The following TNRC6C variants were observed in gnomAD, a reference collection of about 807,000 sequenced individuals.
TNRC6C encodes trinucleotide repeat-containing gene 6C protein.
TNRC6C carries 20 observed loss-of-function variants against 153.7 expected under a neutral mutation model. The ratio of observed to expected loss-of-function variants is 0.13; its 90% CI spans 0.09 to 0.19. TNRC6C has a LOEUF of 0.19. Among genes scored for constraint, TNRC6C ranks in the 10% least tolerant of loss-of-function variants. The pLI, the probability that TNRC6C is intolerant of heterozygous loss-of-function variation, is 1.00. For missense variants in TNRC6C, 1,987 were observed against 2,172.0 expected (o/e 0.91, Z 1.69); for synonymous variants, 811 against 841.4 (o/e 0.96, Z 0.63).
intron 1 of TNRC6C, among the ~76,000 whole-genome samples, chr17:77,984,945 C>T (rs2071140663): frequency 6.6e-6 from 1 of 152,172 alleles, no homozygotes; most frequent in Non-Finnish European, 1.5e-5. Flanking sequence ...AAAACATAAC[C>T]ACCTTTTACT....
chr17:78,082,371 G>A (rs1169450824), intron 10 of TNRC6C, among the ~76,000 whole-genome samples: 4 of 152,084 alleles, frequency 2.6e-5, no homozygotes, highest in African/African-American at 7.2e-5. Context: ...CAGAAGTACA[G>A]TATACAGGGA....
At chr17:78,058,386 C>T (rs929139034) in intron 3 of TNRC6C, among the ~76,000 whole-genome samples, 1 of 152,186 alleles carries the variant, frequency 6.6e-6, no homozygotes, top group Admixed American at 6.5e-5. Flanking sequence ...TGCAGACACA[C>T]AAGAGAACAT....
exon 3 of TNRC6C, chr17:78,051,151 G>T (rs938066490): frequency 6.3e-7 from 1 of 1,576,568 alleles, no homozygotes; most frequent in Non-Finnish European, 8.6e-7. Context: ...CGGGGGGCCG[G>T]TACCGGTCAA....
Position 77,973,051 on chromosome 17 carries a change from G to A in TNRC6C, c.-38+13783G>A, listed in dbSNP as rs1043179398. The stretch of plus-strand genomic sequence containing the variant: ...CTCCTGCGTAGCTGGGATTACAGGC[G>A]CCTGCCATCACATCCAGCTAAATTT... On this transcript the variant is annotated intron_variant, in intron 1 of 22. Coordinates refer to the TNRC6C transcript ENST00000636222. Among the ~76,000 whole-genome samples the A allele has an allele frequency of 2.0e-5, 3 of 152,100 alleles. No homozygotes were observed. The East Asian group carries it at 5.8e-4, about 29-fold the overall frequency.
intron 1 of TNRC6C, among the ~76,000 whole-genome samples, chr17:77,995,436 T>C (rs1337043485): frequency 6.6e-6 from 1 of 151,954 alleles, no homozygotes; most frequent in Non-Finnish European, 1.5e-5. Context: ...AAAGGAAAAA[T>C]AGTTAAAGGT....
chr17:78,077,093 A>G (rs899004598), intron 8 of TNRC6C, 92 bp from the exon 11 acceptor site: 26 of 1,413,548 alleles, frequency 1.8e-5, no homozygotes, highest in Non-Finnish European at 2.2e-5. Flanking sequence ...TTATTTATCC[A>G]TCCACGCCTC....
At chr17:77,966,104 C>T (rs1455768657) in intron 1 of TNRC6C, among the ~76,000 whole-genome samples, 1 of 152,100 alleles carries the variant, frequency 6.6e-6, no homozygotes, top group African/African-American at 2.4e-5. Context: ...ATGGGCAAGC[C>T]ATGTTTGGAA....
chr17:77,988,044 G>A (rs2071196694), intron 1 of TNRC6C, among the ~76,000 whole-genome samples: 1 of 151,856 alleles, frequency 6.6e-6, no homozygotes, highest in African/African-American at 2.4e-5. Flanking sequence ...GCAGTACTGT[G>A]CCAATTAGAA....
chr17:77,989,861 A>T (rs2071223580), intron 1 of TNRC6C, among the ~76,000 whole-genome samples: 1 of 151,110 alleles, frequency 6.6e-6, no homozygotes, highest in Non-Finnish European at 1.5e-5. Flanking sequence ...TTACTCTCAA[A>T]CTCCCTTCCT....
chr17:78,050,653 C>T (rs372252994), exon 3 of TNRC6C: 15 of 1,562,474 alleles, frequency 9.6e-6, no homozygotes, highest in Non-Finnish European at 1.2e-5. Context: ...CAACAAAGCG[C>T]CAAGTGGCCC....
chr17:78,050,125 A>G (rs1329948168), exon 3 of TNRC6C: 1 of 1,604,816 alleles, frequency 6.2e-7, no homozygotes. Flanking sequence ...CAACAGTGAC[A>G]TCAATGGGAA....
At chr17:77,980,263 A>C (rs559765504) in intron 1 of TNRC6C, among the ~76,000 whole-genome samples, 1 of 152,334 alleles carries the variant, frequency 6.6e-6, no homozygotes, top group South Asian at 2.1e-4. Flanking sequence ...CTGCGCATGT[A>C]CCTGGAACTT....
chr17:78,014,406 C>T (rs537064801), intron 1 of TNRC6C, among the ~76,000 whole-genome samples: 1 of 152,198 alleles, frequency 6.6e-6, no homozygotes, highest in Non-Finnish European at 1.5e-5. Context: ...CTTGATTACT[C>T]AGCTTTAACA....
intron 3 of TNRC6C, among the ~76,000 whole-genome samples, chr17:78,057,608 G>C (rs75751897): frequency 0.012 from 1,886 of 152,264 alleles, 34 homozygotes; most frequent in African/African-American, 0.043. Context: ...ATAGCTACTG[G>C]GATTCCCAGA....
intron 17 of TNRC6C, among the ~76,000 whole-genome samples, chr17:78,099,707 C>G (rs962515395): frequency 6.6e-6 from 1 of 152,180 alleles, no homozygotes; most frequent in African/African-American, 2.4e-5. Flanking sequence ...CTGCCCCTGA[C>G]CCCTCCCAAA....
intron 1 of TNRC6C, among the ~76,000 whole-genome samples, chr17:77,982,957 C>G (rs1052891984): frequency 3.9e-5 from 6 of 152,158 alleles, no homozygotes; most frequent in East Asian, 1.9e-4. Context: ...AGTCAATCCA[C>G]CAAGAAATAT....
intron 1 of TNRC6C, among the ~76,000 whole-genome samples, chr17:78,016,606 T>A (rs555860715): frequency 6.6e-6 from 1 of 152,354 alleles, no homozygotes; most frequent in East Asian, 1.9e-4. Flanking sequence ...GAGTAAGATC[T>A]AATCCTCCAT....
intron 2 of TNRC6C, among the ~76,000 whole-genome samples, chr17:78,048,458 A>G (rs533069595): frequency 6.6e-6 from 1 of 152,316 alleles, no homozygotes; most frequent in South Asian, 2.1e-4. Context: ...AGTTTTATTC[A>G]AAACTCTACG....
At chr17:78,107,905 CTA>C (rs990555906) in exon 20 of TNRC6C, 9 of 152,214 alleles carry the variant, frequency 5.9e-5, no homozygotes, top group Admixed American at 5.9e-4. Context: ...TTTTATGCAT[CTA>C]TTTTTGTAAA....
Sources: allele counts gnomAD v4.1 joint callset (sites outside exome capture counted in the v4.1 genomes callset), GRCh38; gene constraint gnomAD v4.1.1; transcripts MANE v1.5; gene names NCBI Gene and HGNC (gene_info 2026-07-23, HGNC 2026-07-21).